Variants in TMEM132B observed in about 807,000 individuals in gnomAD.
The protein encoded by TMEM132B is transmembrane protein 132B.
A neutral mutation model predicts 90.8 loss-of-function variants in TMEM132B; 18 were observed. That is an observed-to-expected ratio of 0.20 (90% CI 0.14 to 0.29). The LOEUF (loss-of-function observed/expected upper bound fraction) is 0.29. TMEM132B is among the 10% of genes least tolerant of loss of function. The pLI is 1.00. For synonymous variants in TMEM132B, 504 were observed against 523.3 expected (o/e 0.96, Z 0.50); for missense variants, 1,096 against 1,326.8 (o/e 0.83, Z 2.70).
intron 2 of TMEM132B, among the ~76,000 whole-genome samples, chr12:125,398,536 G>A (rs1238560547): frequency 6.6e-6 from 1 of 152,188 alleles, no homozygotes; most frequent in Admixed American, 6.5e-5. Flanking sequence ...GGCGGTGGGG[G>A]GGATGTGGTA....
intron 3 of TMEM132B, among the ~76,000 whole-genome samples, chr12:125,427,646 A>C (rs1369933285): frequency 6.6e-6 from 1 of 152,216 alleles, no homozygotes; most frequent in Non-Finnish European, 1.5e-5. Flanking sequence ...TTTCAGTTAC[A>C]TTGCTCGAGG....
At chr12:125,323,133 T>A (rs1026163505) in intron 1 of TMEM132B, among the ~76,000 whole-genome samples, 1 of 152,182 alleles carries the variant, frequency 6.6e-6, no homozygotes, top group Non-Finnish European at 1.5e-5. Flanking sequence ...TTCTAGTCTT[T>A]TGCCACTACG....
chr12:125,216,459 G>T (rs1210307370), intron 1 of TMEM132B, among the ~76,000 whole-genome samples: 1 of 152,182 alleles, frequency 6.6e-6, no homozygotes, highest in Non-Finnish European at 1.5e-5. Context: ...GCTTGGGGAG[G>T]TGAACACAAA....
chr12:125,622,569 T>C (rs1224401545), intron 5 of TMEM132B: 1 of 985,312 alleles, frequency 1.0e-6, no homozygotes, highest in East Asian at 1.1e-4. Flanking sequence ...CTCGGTGACT[T>C]GCTCAGCCTG....
chr12:125,476,011 C>T (rs1450892389), intron 3 of TMEM132B, among the ~76,000 whole-genome samples: 2 of 152,048 alleles, frequency 1.3e-5, no homozygotes, highest in Non-Finnish European at 2.9e-5. Flanking sequence ...TCTGCTTTTG[C>T]TCCTTGTAAT....
intron 4 of TMEM132B, among the ~76,000 whole-genome samples, chr12:125,550,898 T>C (rs1171685131): frequency 6.6e-6 from 1 of 151,676 alleles, no homozygotes; most frequent in Admixed American, 6.6e-5. Flanking sequence ...AACCTGGCTC[T>C]ACCTCCCAGG....
chr12:125,505,071 G>A lies in TMEM132B; in HGVS notation c.1107-14368G>A, dbSNP rs191435635. ...TCAGACATGTGTAATAGAATCCAGA[G>A]TCTCTACAATGCATTGTTCCACAGT... is the stretch of plus-strand genomic sequence containing the variant. On this transcript the variant is annotated intron_variant, in intron 3 of 8. Coordinates refer to ENST00000682704, the MANE Select transcript of TMEM132B (RefSeq NM_001366854.1). Among the ~76,000 whole-genome samples the A allele has an allele frequency of 5.4e-5, 8 of 147,096 alleles. No individual in the cohort carries two copies. In the East Asian group the frequency reaches 1.7e-3, roughly 31 times the overall value.
At position 125,306,569 on chromosome 12, in the gene TMEM132B, TC is replaced by T. The variant is rs552836572; in HGVS notation, c.68-42879del. 2.7e-4 allele frequency among the ~76,000 whole-genome samples: 41 copies of T among 152,298 alleles called. 1 individual carries two copies. The East Asian group carries it at 6.6e-3, about 24-fold the overall frequency. The stretch of plus-strand genomic sequence containing the variant: ...AAAAACCTAGAGCATCCCTGATTCT[TC>T]CCCTCTAATTCCTTCCAAGCCTCAG... On this transcript the variant is annotated intron_variant, in intron 1 of 8. Transcript: ENST00000682704.
chr12:125,188,872 AAG>A (rs1491016380), intron 1 of TMEM132B, among the ~76,000 whole-genome samples: 6 of 151,076 alleles, frequency 4.0e-5, no homozygotes, highest in African/African-American at 1.5e-4. Context: ...AAAAAAAAAA[AAG>A]AAAAAAAGAA....
chr12:125,660,567 C>T lies in TMEM132B; in HGVS notation c.*5857C>T, dbSNP rs1887186925. ...TTTTTAAAAATACAAAAAAAAAGCGCAGAAACATTTTCATCTGGGTTACTG... is the reference window on the plus strand; with the variant it reads ...TTTTTAAAAATACAAAAAAAAAGCGTAGAAACATTTTCATCTGGGTTACTG... On this transcript the variant is annotated 3_prime_UTR_variant, in exon 9 of 9. Transcript: ENST00000682704. The T allele has an allele frequency of 6.6e-6, 1 of 151,924 alleles. No individual in the cohort carries two copies. Among genetic ancestry groups the T allele is most frequent in the Non-Finnish European group, 1.5e-5 (1 of 67,992 alleles). 9.4% of individuals were successfully genotyped at this position (151,924 alleles called of 1,614,324 possible). A position where few individuals can be genotyped will look rare whatever the true frequency, so the allele number is the denominator to read the frequency against.
intron 5 of TMEM132B, among the ~76,000 whole-genome samples, chr12:125,622,203 T>C (rs1289675693): frequency 6.6e-6 from 1 of 152,168 alleles, no homozygotes; most frequent in Non-Finnish European, 1.5e-5. Context: ...CTCCTTAAAG[T>C]TCCATCCCAG....
intron 5 of TMEM132B, among the ~76,000 whole-genome samples, chr12:125,642,000 T>C (rs967796255): frequency 6.6e-6 from 1 of 152,154 alleles, no homozygotes; most frequent in Non-Finnish European, 1.5e-5. Flanking sequence ...CCTCAATCTC[T>C]TTTTTTCTGA....
intron 2 of TMEM132B, among the ~76,000 whole-genome samples, chr12:125,397,579 G>C (rs772154536): frequency 2.0e-5 from 3 of 152,178 alleles, no homozygotes; most frequent in Non-Finnish European, 4.4e-5. Context: ...CTCCTGCCAA[G>C]TGTTGGTCAT....
chr12:125,403,230 C>T (rs1250956936), intron 2 of TMEM132B, among the ~76,000 whole-genome samples: 1 of 152,164 alleles, frequency 6.6e-6, no homozygotes, highest in Non-Finnish European at 1.5e-5. Flanking sequence ...GACATGTGAG[C>T]CCCTGTCTTG....
At chr12:125,452,255 C>T (rs1168027525) in intron 3 of TMEM132B, among the ~76,000 whole-genome samples, 1 of 152,074 alleles carries the variant, frequency 6.6e-6, no homozygotes, top group Non-Finnish European at 1.5e-5. Context: ...CTTGTTGTCC[C>T]CAGCAGGAGA....
Position 125,657,575 on chromosome 12 carries a change from C to T in TMEM132B, c.*2865C>T, listed in dbSNP as rs1887096826. 6.6e-6 allele frequency: 1 copy of T among 152,038 alleles called. No homozygotes were observed. The highest frequency in any genetic ancestry group is 1.5e-5 in the Non-Finnish European group (1 of 68,018). The allele number at this position is 152,038 out of a possible 1,614,324, so 9.4% of individuals were successfully genotyped here. ...TATACAACTATTAGGTGCTGTGCCC[C>T]AAAATATCTAAAATGGGGGTAAAGA... On this transcript the variant is annotated 3_prime_UTR_variant, in exon 9 of 9. Transcript: ENST00000682704.
rs146627830 is a variant in TMEM132B, at chr12:125,468,024, G to T, written c.1107-51415G>T. On this transcript the variant is annotated intron_variant, in intron 3 of 8. Coordinates refer to ENST00000682704, the MANE Select transcript of TMEM132B (RefSeq NM_001366854.1). ...CCATTCTTTTGTTGATGGACATTTGGGTTATTTCCATCTTTTGGCTATTGT... is the reference window on the plus strand; with the variant it reads ...CCATTCTTTTGTTGATGGACATTTGTGTTATTTCCATCTTTTGGCTATTGT... Among the ~76,000 whole-genome samples the T allele has an allele frequency of 7.9e-5, 12 of 151,726 alleles. No individual in the cohort carries two copies. In the East Asian group the frequency reaches 2.5e-3, roughly 32 times the overall value.
chr12:125,336,757 G>A (rs1355073229), intron 1 of TMEM132B, among the ~76,000 whole-genome samples: 2 of 152,230 alleles, frequency 1.3e-5, no homozygotes, highest in African/African-American at 2.4e-5. Flanking sequence ...ATGGGAGGAT[G>A]AAGTGACTTG....
chr12:125,604,455 G>A (rs116190442), intron 5 of TMEM132B, among the ~76,000 whole-genome samples: 305 of 152,032 alleles, frequency 2.0e-3, no homozygotes, highest in African/African-American at 7.2e-3. Flanking sequence ...GGGGGGTTGT[G>A]GGGGAGGGGA....
Sources: gnomAD v4.1 joint callset for allele counts (sites outside exome capture counted in the v4.1 genomes callset) on GRCh38, gnomAD v4.1.1 for gene constraint, MANE v1.5 for transcripts, NCBI Gene and HGNC (gene_info 2026-07-23, HGNC 2026-07-21) for gene names.